The following ALK variants were observed in gnomAD, a reference collection of about 807,000 sequenced individuals.
The protein encoded by ALK is ALK tyrosine kinase receptor.
ALK carries 74 observed loss-of-function variants against 163.1 expected under a neutral mutation model. The ratio of observed to expected loss-of-function variants is 0.45; its 90% CI spans 0.38 to 0.55. ALK has a LOEUF of 0.55. Ranked by LOEUF, ALK falls within the 20% of genes least tolerant of loss-of-function variation. The pLI is 0.00. For missense variants in ALK, 2,063 were observed against 2,105.3 expected (o/e 0.98, Z 0.39); for synonymous variants, 960 against 843.2 (o/e 1.14, Z -2.40).
At chr2:29,755,043 G>A (rs1419728638) in intron 1 of ALK, among the ~76,000 whole-genome samples, 2 of 150,064 alleles carry the variant, frequency 1.3e-5, no homozygotes, top group African/African-American at 4.9e-5. Flanking sequence ...GCCTGTGAAG[G>A]AATGCTTATA....
chr2:29,826,073 G>A (rs1262552142), intron 1 of ALK, among the ~76,000 whole-genome samples: 5 of 152,020 alleles, frequency 3.3e-5, no homozygotes, highest in African/African-American at 1.2e-4. Flanking sequence ...GCTCTTTCAG[G>A]TGACAGGTGC....
At chr2:29,724,139 C>T (rs964959600) in intron 1 of ALK, among the ~76,000 whole-genome samples, 4 of 152,166 alleles carry the variant, frequency 2.6e-5, no homozygotes, top group Non-Finnish European at 4.4e-5. Flanking sequence ...GCCCCAGGCT[C>T]ACTGGCAAGC....
intron 2 of ALK, among the ~76,000 whole-genome samples, chr2:29,709,255 G>A (rs1375744541): frequency 6.6e-6 from 1 of 152,136 alleles, no homozygotes; most frequent in Non-Finnish European, 1.5e-5. Context: ...TCCAGCTCAG[G>A]AACTGGTCTC....
intron 5 of ALK, among the ~76,000 whole-genome samples, chr2:29,357,362 C>A (rs1668274925): frequency 6.6e-6 from 1 of 152,168 alleles, no homozygotes; most frequent in Non-Finnish European, 1.5e-5. Flanking sequence ...CCAATTTTCT[C>A]CCCCGCTGGC....
intron 4 of ALK, among the ~76,000 whole-genome samples, chr2:29,478,105 G>T (rs1171852064): frequency 6.6e-6 from 1 of 152,210 alleles, no homozygotes; most frequent in African/African-American, 2.4e-5. Context: ...AAGCTCCCCA[G>T]GTTTGCTGCC....
At chr2:29,651,291 G>A (rs1171592831) in intron 3 of ALK, among the ~76,000 whole-genome samples, 1 of 152,102 alleles carries the variant, frequency 6.6e-6, no homozygotes, top group African/African-American at 2.4e-5. Flanking sequence ...AAGGAGTAGT[G>A]ATACAAATGT....
chr2:29,233,371 C>T (rs985793861), intron 14 of ALK, among the ~76,000 whole-genome samples, 194 bp downstream of exon 14: 1 of 152,146 alleles, frequency 6.6e-6, no homozygotes, highest in Non-Finnish European at 1.5e-5. Context: ...ATCGTGAATT[C>T]CTGACCTCAA....
chr2:29,219,194 C>G (rs892500015), intron 23 of ALK, among the ~76,000 whole-genome samples: 3 of 152,172 alleles, frequency 2.0e-5, no homozygotes, highest in African/African-American at 7.2e-5. Context: ...GATGAGGGCT[C>G]TTATGAGACA....
At chr2:29,655,816 G>A (rs1177334704) in intron 3 of ALK, among the ~76,000 whole-genome samples, 3 of 152,320 alleles carry the variant, frequency 2.0e-5, no homozygotes, top group East Asian at 1.9e-4. Context: ...CTGAAGGATT[G>A]TGTTTAAGCA....
At chr2:29,831,028 A>G (rs112511571) in intron 1 of ALK, among the ~76,000 whole-genome samples, 1 of 36,554 alleles carries the variant, frequency 2.7e-5, no homozygotes, top group African/African-American at 8.4e-5. Context: ...GAGGAAGGGG[A>G]AGGAGGAGGA....
intron 11 of ALK, among the ~76,000 whole-genome samples, chr2:29,268,247 T>C (rs2148210189): frequency 6.6e-6 from 1 of 152,190 alleles, no homozygotes; most frequent in Admixed American, 6.5e-5. Flanking sequence ...AGGGCCTGAG[T>C]TTGGGAAGTT....
chr2:29,797,275 C>T (rs1396692122), intron 1 of ALK, among the ~76,000 whole-genome samples: 1 of 152,202 alleles, frequency 6.6e-6, no homozygotes, highest in African/African-American at 2.4e-5. Flanking sequence ...TCACTCTGCT[C>T]TCCCACTTCC....
At chr2:29,742,683 T>A (rs1680094899) in intron 1 of ALK, among the ~76,000 whole-genome samples, 1 of 152,196 alleles carries the variant, frequency 6.6e-6, no homozygotes. Flanking sequence ...GACTCTGGCA[T>A]GCCAAACCTC....
At chr2:29,393,982 A>C (rs1315590341) in intron 4 of ALK, among the ~76,000 whole-genome samples, 4 of 152,184 alleles carry the variant, frequency 2.6e-5, no homozygotes, top group Admixed American at 6.5e-5. Context: ...CAAGTATTTA[A>C]AAATTATTTC....
rs150603938 is a variant in ALK, at chr2:29,545,795, T to C, written c.953-13679A>G. 3.5e-3 allele frequency among the ~76,000 whole-genome samples: 533 copies of C among 152,274 alleles called. 2 individuals are homozygous for C. The highest frequency in any genetic ancestry group is 5.6e-3 in the Non-Finnish European group (382 of 68,016). Reference sequence around the variant, plus strand: ...AGACTGAATCATTAGAAAAACCAAGTGTGTTCATTAAGAGAGAGAAGGGGA... The same window carrying C: ...AGACTGAATCATTAGAAAAACCAAGCGTGTTCATTAAGAGAGAGAAGGGGA... On this transcript the variant is annotated intron_variant, in intron 3 of 28. Coordinates refer to ENST00000389048, the MANE Select transcript of ALK (RefSeq NM_004304.5).
intron 3 of ALK, among the ~76,000 whole-genome samples, chr2:29,647,297 G>A (rs749582182): frequency 4.6e-5 from 7 of 152,112 alleles, no homozygotes; most frequent in Non-Finnish European, 1.0e-4. Context: ...CTGCCACTAG[G>A]TAGAACTCTG....
At chr2:29,673,868 TAG>T (rs1044242247) in intron 3 of ALK, among the ~76,000 whole-genome samples, 1 of 151,490 alleles carries the variant, frequency 6.6e-6, no homozygotes, top group African/African-American at 2.4e-5. Flanking sequence ...CAGTGGTTTG[TAG>T]TTCTCCTTGA....
intron 5 of ALK, among the ~76,000 whole-genome samples, chr2:29,360,411 G>C (rs752399556): frequency 6.6e-6 from 1 of 152,192 alleles, no homozygotes; most frequent in Non-Finnish European, 1.5e-5. Flanking sequence ...TCTAGCCTCT[G>C]TGTAGCCTTC....
chr2:29,657,053 T>A (rs1677205013), intron 3 of ALK, among the ~76,000 whole-genome samples: 1 of 152,032 alleles, frequency 6.6e-6, no homozygotes, highest in Admixed American at 6.6e-5. Context: ...GTAAGATTGG[T>A]GAAGTTGCAA....
Sources: allele counts gnomAD v4.1 joint callset (sites outside exome capture counted in the v4.1 genomes callset), GRCh38; gene constraint gnomAD v4.1.1; transcripts MANE v1.5; gene names NCBI Gene and HGNC (gene_info 2026-07-23, HGNC 2026-07-21).